The following DSTN variants were observed in gnomAD, a reference collection of about 807,000 sequenced individuals.
DSTN encodes the protein destrin.
In DSTN, 10 loss-of-function variants were observed where a neutral mutation model predicts 16.8. That is an observed-to-expected ratio of 0.60 (90% CI 0.37 to 1.01). The LOEUF (loss-of-function observed/expected upper bound fraction) is 1.01, where lower values mean the gene tolerates loss of function less well. Among genes scored for constraint, DSTN ranks in the 50% least tolerant of loss-of-function variants. The pLI is 0.01. For synonymous variants in DSTN, 57 were observed against 58.9 expected (o/e 0.97, Z 0.14); for missense variants, 141 against 196.7 (o/e 0.72, Z 1.69).
At chr20:17,601,095 C>G in intron 2 of DSTN, 50 bp downstream of exon 2, 1 of 1,523,258 alleles carries the variant, frequency 6.6e-7, no homozygotes, top group Non-Finnish European at 8.8e-7. Context: ...TTTGTTAGCA[C>G]TCGGGAAGAC....
intron 1 of DSTN, among the ~76,000 whole-genome samples, chr20:17,600,295 AAG>A (rs2035572429): frequency 6.6e-6 from 1 of 152,202 alleles, no homozygotes; most frequent in Admixed American, 6.5e-5. Flanking sequence ...TTATTAGAGA[AAG>A]AGATGCTGTA....
intron 1 of DSTN, among the ~76,000 whole-genome samples, chr20:17,585,747 C>T (rs1259118031): frequency 6.6e-6 from 1 of 152,086 alleles, no homozygotes; most frequent in Non-Finnish European, 1.5e-5. Flanking sequence ...AAAAATTCCT[C>T]ATTAATCCCT....
At chr20:17,589,738 C>T (rs2035450345) in intron 1 of DSTN, among the ~76,000 whole-genome samples, 1 of 152,162 alleles carries the variant, frequency 6.6e-6, no homozygotes, top group Non-Finnish European at 1.5e-5. Context: ...TTTTTAACTC[C>T]CTAACTCCTT....
At chr20:17,593,550 A>G (rs1308927490) in intron 1 of DSTN, among the ~76,000 whole-genome samples, 1 of 152,174 alleles carries the variant, frequency 6.6e-6, no homozygotes, top group Non-Finnish European at 1.5e-5. Flanking sequence ...GGAGCATGTG[A>G]TACTGGTTTT....
intron 1 of DSTN, among the ~76,000 whole-genome samples, chr20:17,582,537 TA>T (rs1330172735): frequency 6.6e-6 from 1 of 152,224 alleles, no homozygotes; most frequent in African/African-American, 2.4e-5. Flanking sequence ...AGTTAATCTA[TA>T]AAGGATAAAA....
chr20:17,591,336 A>AT (rs1433220592), intron 1 of DSTN, among the ~76,000 whole-genome samples: 1 of 114,388 alleles, frequency 8.7e-6, no homozygotes, highest in Non-Finnish European at 2.0e-5. Context: ...ATTTAGTATA[A>AT]TTGGGTTTTT....
intron 1 of DSTN, among the ~76,000 whole-genome samples, chr20:17,598,144 C>G (rs1741646533): frequency 6.6e-6 from 1 of 152,124 alleles, no homozygotes. Flanking sequence ...AATAATGTTA[C>G]TATGAACATT....
Position 17,605,264 on chromosome 20 carries a change from GA to G in DSTN, c.388+634del, listed in dbSNP as rs560025172. 24 of 436,210 alleles carry G rather than the reference GA, an allele frequency of 5.5e-5. No homozygotes were observed. The East Asian group carries it at 1.6e-3, about 29-fold the overall frequency. The allele number at this position is 436,210 out of a possible 1,614,324, so 27.0% of individuals were successfully genotyped here. A position where few individuals can be genotyped will look rare whatever the true frequency, so the allele number is the denominator to read the frequency against. ...GGGCAAGTGCCCAAAGGCCTGCACT[GA>G]GGGCGAAGCCTGTCTAACTGCTGTG... On this transcript the variant is annotated intron_variant, in intron 3 of 3. Coordinates refer to ENST00000246069, the MANE Select transcript of DSTN (RefSeq NM_006870.4).
intron 1 of DSTN, among the ~76,000 whole-genome samples, chr20:17,588,201 T>G (rs1284776543): frequency 6.6e-6 from 1 of 152,210 alleles, no homozygotes; most frequent in African/African-American, 2.4e-5. Flanking sequence ...TCCTAAACCT[T>G]GGCAAAATAA....
chr20:17,588,141 A>G (rs191517205), intron 1 of DSTN, among the ~76,000 whole-genome samples: 236 of 152,344 alleles, frequency 1.5e-3, no homozygotes, highest in Admixed American at 3.1e-3. Flanking sequence ...GCAGAAAGGC[A>G]TAGGCCACAG....
chr20:17,576,707 T>C (rs2035282762), intron 1 of DSTN, among the ~76,000 whole-genome samples: 1 of 152,216 alleles, frequency 6.6e-6, no homozygotes, highest in Non-Finnish European at 1.5e-5. Context: ...TTTGTGCTTT[T>C]GGATCACATC....
chr20:17,592,057 C>A (rs1293864924), intron 1 of DSTN: 2 of 985,208 alleles, frequency 2.0e-6, no homozygotes, highest in Non-Finnish European at 2.4e-6. Context: ...TTGGGCCAGG[C>A]TTTAGGGTTA....
intron 3 of DSTN, chr20:17,605,220 G>A: frequency 2.2e-6 from 1 of 455,976 alleles, no homozygotes; most frequent in Admixed American, 2.3e-5. Context: ...ATGTTGGTAT[G>A]ATGGAAAGAA....
chr20:17,570,510 C>G (rs1027690933), intron 1 of DSTN, among the ~76,000 whole-genome samples: 6 of 152,210 alleles, frequency 3.9e-5, no homozygotes, highest in Admixed American at 3.3e-4. Context: ...CTTGCAACAA[C>G]TGGCTGGGGT....
At chr20:17,591,022 C>T (rs1022253928) in intron 1 of DSTN, among the ~76,000 whole-genome samples, 3 of 152,182 alleles carry the variant, frequency 2.0e-5, no homozygotes, top group Non-Finnish European at 2.9e-5. Flanking sequence ...GTAAGAGGAT[C>T]GCTTGAGCCC....
At chr20:17,604,444 C>G in intron 2 of DSTN, 111 bp from the exon 3 acceptor site, 1 of 1,115,766 alleles carries the variant, frequency 9.0e-7, no homozygotes, top group Non-Finnish European at 1.3e-6. Flanking sequence ...AAAAATATCT[C>G]AGGAGAGTCT....
intron 1 of DSTN, among the ~76,000 whole-genome samples, chr20:17,588,616 C>A (rs2035436191): frequency 6.6e-6 from 1 of 151,778 alleles, no homozygotes. Flanking sequence ...CCCGTCTCTA[C>A]TAAAAATACA....
chr20:17,594,042 C>T (rs943127786), intron 1 of DSTN, among the ~76,000 whole-genome samples: 4 of 151,870 alleles, frequency 2.6e-5, no homozygotes, highest in African/African-American at 9.7e-5. Context: ...GATCATGCCA[C>T]TGCAGTCCAG....
chr20:17,598,387 A>G (rs189660431), intron 1 of DSTN, among the ~76,000 whole-genome samples: 111 of 152,136 alleles, frequency 7.3e-4, no homozygotes, highest in Non-Finnish European at 8.8e-4. Flanking sequence ...TAGCCCTCCT[A>G]GTGGGTGACT....
Sources: allele counts gnomAD v4.1 joint callset (sites outside exome capture counted in the v4.1 genomes callset), GRCh38; gene constraint gnomAD v4.1.1; transcripts MANE v1.5; gene names NCBI Gene and HGNC (gene_info 2026-07-23, HGNC 2026-07-21).